The following LYST variants were observed in gnomAD, a reference collection of about 807,000 sequenced individuals.
LYST encodes the protein lysosomal trafficking regulator, also known as lysosomal-trafficking regulator.
Under a neutral mutation model 413.6 loss-of-function variants are expected in LYST, and 192 were observed. The observed-to-expected ratio is 0.46, with a 90% CI of 0.41 to 0.52. The LOEUF is 0.52. LYST is among the 20% of genes least tolerant of loss of function. The probability of loss-of-function intolerance (pLI) is 0.00; values close to 1 mark genes in which losing one functional copy is unlikely to be tolerated. For missense variants in LYST, 3,815 were observed against 4,499.9 expected, an observed-to-expected ratio of 0.85 and a Z score of 4.35; for synonymous variants, 1,525 against 1,567.3, an observed-to-expected ratio of 0.97 and a Z score of 0.64.
At chr1:235,770,346 G>A in intron 19 of LYST, 49 bp from the exon 20 acceptor site, 1 of 1,576,190 alleles carries the variant, frequency 6.3e-7, no homozygotes, top group Non-Finnish European at 8.7e-7. Flanking sequence ...TGAAAAATAT[G>A]CAGCATGCTT....
chr1:235,781,783 A>G (rs1669894275), intron 15 of LYST, 144 bp downstream of exon 15: 1 of 661,074 alleles, frequency 1.5e-6, no homozygotes, highest in East Asian at 2.7e-5. Context: ...CAAGTAAAGG[A>G]ACATAGATGG....
chr1:235,810,971 C>A (rs1673395611), intron 4 of LYST, among the ~76,000 whole-genome samples: 1 of 152,026 alleles, frequency 6.6e-6, no homozygotes. Flanking sequence ...ACGGTGAAAC[C>A]CTGTCTCTAG....
intron 20 of LYST, 136 bp from the exon 21 acceptor site, chr1:235,766,413 C>G (rs1668156671): frequency 1.6e-6 from 1 of 617,672 alleles, no homozygotes; most frequent in Admixed American, 3.2e-5. Context: ...CTTACCATTA[C>G]CATAACAACT....
At chr1:235,737,953 G>GTATCATT in intron 31 of LYST, 1 of 1,258,702 alleles carries the variant, frequency 7.9e-7, no homozygotes, top group Non-Finnish European at 1.0e-6. Context: ...AACACCCGCC[G>GTATCATT]GACGTGCATT....
chr1:235,674,065 CTCT>C lies in LYST; in HGVS notation c.11038+3023_11038+3025del, dbSNP rs1659183004. ...GCCCGGGGCAATAAGGCATGCCAGT[CTCT>C]CGTTACTATTCCCAGAAGTTACAGG... On this transcript the variant is annotated intron_variant, in intron 50 of 52. Transcript: ENST00000389793. This position sits in a 1 kb window ranked among gnomAD's most constrained non-coding sequence, Gnocchi z 4.1. Among the ~76,000 whole-genome samples the C allele has an allele frequency of 2.0e-5, 3 of 152,170 alleles. No individual in the cohort carries two copies. Among genetic ancestry groups the C allele is most frequent in the African/African-American group, 7.2e-5 (3 of 41,436 alleles).
At chr1:235,663,127 G>A (rs751887786) in intron 52 of LYST, 49 bp from the exon 53 acceptor site, 91 of 1,296,908 alleles carry the variant, frequency 7.0e-5, no homozygotes, top group Non-Finnish European at 4.5e-6. Context: ...TCTTAAAAGT[G>A]TATTAGCATA....
At chr1:235,872,465 G>A (rs192444218) in intron 1 of LYST, among the ~76,000 whole-genome samples, 68 of 152,262 alleles carry the variant, frequency 4.5e-4, no homozygotes, top group South Asian at 3.1e-3. Context: ...GTAATAGACC[G>A]AGGGGGGATC....
chr1:235,727,448 A>G (rs1359803039), intron 38 of LYST, among the ~76,000 whole-genome samples: 1 of 151,918 alleles, frequency 6.6e-6, no homozygotes, highest in Non-Finnish European at 1.5e-5. Context: ...TAAAATATAT[A>G]TTAGTAATTA....
intron 3 of LYST, among the ~76,000 whole-genome samples, chr1:235,813,909 A>C (rs754824059): frequency 1.2e-4 from 18 of 152,160 alleles, no homozygotes; most frequent in Non-Finnish European, 1.6e-4. Flanking sequence ...ATGATGACAC[A>C]ATCAGATTTG....
At chr1:235,833,721 A>C (rs994979782) in intron 1 of LYST, 54 bp from the exon 2 acceptor site, 1 of 341,380 alleles carries the variant, frequency 2.9e-6, no homozygotes, top group African/African-American at 2.2e-5. Context: ...TAATTTTAAC[A>C]AAGTTGTGAC....
At position 235,788,851 on chromosome 1, in the gene LYST, A is replaced by G. The variant is rs1281414283; in HGVS notation, c.4544-6T>C. On this transcript the variant is annotated splice_region_variant and splice_polypyrimidine_tract_variant and intron_variant, in intron 12 of 52. Transcript: ENST00000389793. ...ACCTTCTGGTCTGTCGCTCTCTATA[A>G]GAAAAAGATGTTAGAATGATCAGTA... The G allele has an allele frequency of 1.2e-6, 2 of 1,613,334 alleles. No individual in the cohort carries two copies. Among genetic ancestry groups the G allele is most frequent in the Non-Finnish European group, 1.7e-6 (2 of 1,179,374 alleles).
At chr1:235,763,601 C>T (rs1374212564) in intron 21 of LYST, among the ~76,000 whole-genome samples, 1 of 151,618 alleles carries the variant, frequency 6.6e-6, no homozygotes, top group African/African-American at 2.4e-5. Context: ...CAGGCATGTG[C>T]CACCACGCCC....
At chr1:235,680,256 T>C (rs1241920938) in intron 48 of LYST, among the ~76,000 whole-genome samples, 2 of 152,140 alleles carry the variant, frequency 1.3e-5, no homozygotes, top group African/African-American at 4.8e-5. Flanking sequence ...TAGTTTTGTT[T>C]ATTTGTTTTT....
At chr1:235,862,752 C>A (rs1321130091) in intron 1 of LYST, among the ~76,000 whole-genome samples, 1 of 151,476 alleles carries the variant, frequency 6.6e-6, no homozygotes, top group Non-Finnish European at 1.5e-5. Flanking sequence ...GCTGAGATCA[C>A]CCCACTGCAC....
At chr1:235,827,527 A>G in intron 3 of LYST, 1 of 979,934 alleles carries the variant, frequency 1.0e-6, no homozygotes, top group Non-Finnish European at 1.2e-6. Context: ...GTCTAGTGTT[A>G]TGATTTCATC....
intron 10 of LYST, among the ~76,000 whole-genome samples, chr1:235,798,980 A>C (rs965039156): frequency 2.6e-5 from 4 of 152,212 alleles, no homozygotes; most frequent in African/African-American, 9.6e-5. Context: ...ATACACTTTA[A>C]ATAGGTGAAT....
chr1:235,760,104 C>G (rs924284730), intron 22 of LYST, among the ~76,000 whole-genome samples: 1 of 152,108 alleles, frequency 6.6e-6, no homozygotes, highest in Admixed American at 6.6e-5. Context: ...CAATTTACCT[C>G]AGGCTAGCAG....
At chr1:235,802,794 A>G (rs1467533400) in intron 8 of LYST, 114 bp downstream of exon 8, 2 of 916,576 alleles carry the variant, frequency 2.2e-6, no homozygotes, top group Admixed American at 3.9e-5. Flanking sequence ...TATGCAACAC[A>G]CTTGTTAAAC....
At chr1:235,760,428 T>C (rs1390874674) in intron 22 of LYST, among the ~76,000 whole-genome samples, 3 of 152,200 alleles carry the variant, frequency 2.0e-5, no homozygotes, top group Non-Finnish European at 4.4e-5. Flanking sequence ...TTAGTGAGAA[T>C]AGTTTCTTTT....
Sources: gnomAD v4.1 joint callset for allele counts (sites outside exome capture counted in the v4.1 genomes callset) on GRCh38, gnomAD v4.1.1 for gene constraint, Gnocchi (gnomAD v3.1) non-coding constraint, MANE v1.5 for transcripts, NCBI Gene and HGNC (gene_info 2026-07-23, HGNC 2026-07-21) for gene names.